The following ING2 variants were observed in gnomAD, a reference collection of about 807,000 sequenced individuals.
ING2 encodes inhibitor of growth protein 2.
In ING2, 7 loss-of-function variants were observed where a neutral mutation model predicts 30.6. The observed-to-expected ratio is 0.23, with a 90% CI of 0.13 to 0.43. The LOEUF (loss-of-function observed/expected upper bound fraction) is 0.43, where lower values mean the gene tolerates loss of function less well. ING2 is among the 20% of genes least tolerant of loss of function. The pLI is 1.00. For synonymous variants in ING2, 136 were observed against 121.7 expected, an observed-to-expected ratio of 1.12 and a Z score of -0.78; for missense variants, 239 against 334.9, an observed-to-expected ratio of 0.71 and a Z score of 2.24.
chr4:183,508,764 CTT>C (rs1196229174), intron 1 of ING2, among the ~76,000 whole-genome samples: 3 of 152,234 alleles, frequency 2.0e-5, no homozygotes, highest in East Asian at 3.9e-4. Context: ...GGACAGAACT[CTT>C]TGAGATAGCA....
At chr4:183,509,647 C>T (rs1370627193) in intron 1 of ING2, among the ~76,000 whole-genome samples, 1 of 151,674 alleles carries the variant, frequency 6.6e-6, no homozygotes, top group Non-Finnish European at 1.5e-5. Context: ...CGGGGTTTCA[C>T]CGTGGTCTCG....
intron 1 of ING2, among the ~76,000 whole-genome samples, chr4:183,509,657 G>C (rs1266536569): frequency 6.6e-6 from 1 of 150,548 alleles, no homozygotes; most frequent in Admixed American, 6.6e-5. Flanking sequence ...CCGTGGTCTC[G>C]ATCTCCTGAC....
At chr4:183,508,865 G>C (rs1734746909) in intron 1 of ING2, among the ~76,000 whole-genome samples, 1 of 152,154 alleles carries the variant, frequency 6.6e-6, no homozygotes, top group African/African-American at 2.4e-5. Context: ...TATATTTTCA[G>C]ATTTTTGGAT....
At position 183,511,026 on chromosome 4, in the gene ING2, T is replaced by C; in HGVS notation, c.*74T>C. On this transcript the variant is annotated 3_prime_UTR_variant, in exon 2 of 2. Coordinates refer to ENST00000302327, the MANE Select transcript of ING2 (RefSeq NM_001564.4). ...TTTGCTTTCAGAAAATGTTTTAGGGTAAATGCATAAGACTATGCAATAATT... is the reference window on the plus strand; with the variant it reads ...TTTGCTTTCAGAAAATGTTTTAGGGCAAATGCATAAGACTATGCAATAATT... 2 of 1,149,016 alleles carry C rather than the reference T, an allele frequency of 1.7e-6. No individual in the cohort carries two copies. The highest frequency in any genetic ancestry group is 1.2e-6 in the Non-Finnish European group (1 of 820,876). 71.2% of individuals were successfully genotyped at this position (1,149,016 alleles called of 1,614,324 possible). A position where few individuals can be genotyped will look rare whatever the true frequency, so the allele number is the denominator to read the frequency against.
intron 1 of ING2, among the ~76,000 whole-genome samples, chr4:183,505,801 G>A (rs1232638374): frequency 1.3e-5 from 2 of 152,040 alleles, no homozygotes; most frequent in Middle Eastern, 3.2e-3. Context: ...CCACCCCGGA[G>A]TGCGGGTGCT....
At chr4:183,508,373 T>A (rs1218457907) in intron 1 of ING2, among the ~76,000 whole-genome samples, 1 of 152,162 alleles carries the variant, frequency 6.6e-6, no homozygotes, top group Admixed American at 6.5e-5. Context: ...AATCCTCAAT[T>A]TTTTATGTGT....
In ING2 at chr4:183,511,410, C is replaced by A. The variant is rs1734818683; in HGVS notation, c.*458C>A. Among the ~76,000 whole-genome samples, 1 of 152,156 alleles carries A rather than the reference C, an allele frequency of 6.6e-6. No individual in the cohort carries two copies. The highest frequency in any genetic ancestry group is 1.5e-5 in the Non-Finnish European group (1 of 68,022). On this transcript the variant is annotated 3_prime_UTR_variant, in exon 2 of 2. Coordinates refer to ENST00000302327, the MANE Select transcript of ING2 (RefSeq NM_001564.4). The stretch of plus-strand genomic sequence containing the variant: ...CATTTGAGCTGCTTTTTCCCTAGTC[C>A]TATTTATACGTTGGCTTGTTCATCT...
rs778379287 is a variant in ING2, at chr4:183,505,313, C to T, written c.118C>T (p.His40Tyr). The T allele has an allele frequency of 1.3e-6, 2 of 1,556,240 alleles. No individual in the cohort carries two copies. The highest frequency in any genetic ancestry group is 1.7e-6 in the Non-Finnish European group (2 of 1,151,484). ...DYLECVESLP[H>Y]DMQRNVSVLR... ...CCTTGAGTGCGTGGAGTCGCTGCCC[C>T]ACGACATGCAGAGGAACGTGTCTGT... The change falls in exon 1 of 2, where the codon CAC becomes TAC. Residue 40 changes from histidine to tyrosine, a missense_variant. By Grantham distance (83) the His-to-Tyr change is moderately conservative. Coordinates refer to ENST00000302327, the MANE Select transcript of ING2 (RefSeq NM_001564.4).
In ING2 at chr4:183,511,039, C is replaced by T. The variant is rs1043513111; in HGVS notation, c.*87C>T. 21 of 1,007,826 alleles carry T rather than the reference C, an allele frequency of 2.1e-5. No homozygotes were observed. In the African/African-American group the frequency reaches 2.5e-4, roughly 12 times the overall value. 62.4% of individuals were successfully genotyped at this position (1,007,826 alleles called of 1,614,324 possible). A position where few individuals can be genotyped will look rare whatever the true frequency, so the allele number is the denominator to read the frequency against. ...AATGTTTTAGGGTAAATGCATAAGA[C>T]TATGCAATAATTTTTAATCATTAGT... On this transcript the variant is annotated 3_prime_UTR_variant, in exon 2 of 2. Transcript: ENST00000302327.
Position 183,505,093 on chromosome 4 carries a change from C to T in ING2, c.-103C>T, listed in dbSNP as rs1734600297. On this transcript the variant is annotated 5_prime_UTR_variant, in exon 1 of 2. Transcript: ENST00000302327. ...GTGCCCTCTCGAGCGGCTGCGGGGT[C>T]CCCGCGGCGCCGGGCTGCTGAGCTG... 1.1e-5 allele frequency: 13 copies of T among 1,167,766 alleles called. No homozygotes were observed. Among genetic ancestry groups the T allele is most frequent in the Non-Finnish European group, 1.3e-5 (12 of 910,292 alleles). The allele number at this position is 1,167,766 out of a possible 1,614,324, so 72.3% of individuals were successfully genotyped here.
intron 1 of ING2, among the ~76,000 whole-genome samples, chr4:183,507,163 C>A (rs1579168062): frequency 6.6e-6 from 1 of 152,264 alleles, no homozygotes; most frequent in South Asian, 2.1e-4. Flanking sequence ...TGCAGTGGCT[C>A]GATCTTAGCT....
intron 1 of ING2, among the ~76,000 whole-genome samples, chr4:183,510,027 C>T (rs892216714): frequency 2.0e-5 from 3 of 152,324 alleles, no homozygotes; most frequent in East Asian, 1.9e-4. Context: ...TGAGCCACCG[C>T]GCCCAGCCTC....
chr4:183,512,215 A>G lies in ING2; in HGVS notation c.*1263A>G, dbSNP rs889640994. On this transcript the variant is annotated 3_prime_UTR_variant, in exon 2 of 2. Coordinates refer to ENST00000302327, the MANE Select transcript of ING2 (RefSeq NM_001564.4). ...ATGATCTTGATTCTTTTTGATTAAC[A>G]TGAAAAATCCTGTCTGCTTGTTTTG... is the stretch of plus-strand genomic sequence containing the variant. 3.3e-5 allele frequency among the ~76,000 whole-genome samples: 5 copies of G among 151,964 alleles called. No homozygotes were observed. Among genetic ancestry groups the G allele is most frequent in the Middle Eastern group, 3.2e-3 (1 of 316 alleles).
chr4:183,509,396 T>C (rs1485406680), intron 1 of ING2, among the ~76,000 whole-genome samples: 1 of 152,152 alleles, frequency 6.6e-6, no homozygotes, highest in African/African-American at 2.4e-5. Flanking sequence ...CATTCAGTGT[T>C]CCTGCCCATG....
chr4:183,507,080 C>T (rs1253315450), intron 1 of ING2, among the ~76,000 whole-genome samples: 1 of 152,164 alleles, frequency 6.6e-6, no homozygotes, highest in Non-Finnish European at 1.5e-5. Context: ...TTTCAGATAA[C>T]ACCAAAGTTT....
chr4:183,510,449 C>G lies in ING2; in HGVS notation c.340C>G (p.Arg114Gly). The G allele has an allele frequency of 6.2e-7, 1 of 1,614,134 alleles. No homozygotes were observed. The highest frequency in any genetic ancestry group is 8.5e-7 in the Non-Finnish European group (1 of 1,180,024). ...ACAAATGCTCGAATTGGTGGAAAAT[C>G]GGGCAAGACAAATGGAGTTACACTC... ...VTQMLELVENRARQMELHSQC... is the reference protein window; with the variant it reads ...VTQMLELVENGARQMELHSQC... Residue 114 changes from arginine (R) to glycine (G), a missense_variant, in exon 2 of 2, where the codon CGG becomes GGG. Physicochemically the swap from Arg to Gly is moderately radical, Grantham distance 125. Around this residue, in one of 5 missense-constraint regions of ING2, gnomAD observed 115 missense variants for 120.1 expected, o/e 0.96. Transcript: ENST00000302327.
At chr4:183,507,056 GA>G (rs1259703252) in intron 1 of ING2, among the ~76,000 whole-genome samples, 2 of 152,144 alleles carry the variant, frequency 1.3e-5, no homozygotes, top group Non-Finnish European at 2.9e-5. Context: ...ATTGTATATG[GA>G]ACCTTTCTAG....
chr4:183,506,336 T>C (rs977077278), intron 1 of ING2: 8 of 1,298,308 alleles, frequency 6.2e-6, no homozygotes, highest in African/African-American at 3.0e-5. Flanking sequence ...CCGGGACATG[T>C]GTCACTTCCG....
At position 183,510,272 on chromosome 4, in the gene ING2, CT is replaced by C. The variant is rs1347490622; in HGVS notation, c.173-3del. On this transcript the variant is annotated splice_polypyrimidine_tract_variant and intron_variant, in intron 1 of 1. Coordinates refer to ENST00000302327, the MANE Select transcript of ING2 (RefSeq NM_001564.4). ...TGATAACGTTCTCATTTTTCTTTTCCTTTTTTTAGAAACGTTAAAGGAAATT... is the reference window on the plus strand; with the variant it reads ...TGATAACGTTCTCATTTTTCTTTTCCTTTTTTAGAAACGTTAAAGGAAATT... The C allele has an allele frequency of 1.9e-6, 3 of 1,539,662 alleles. No homozygotes were observed. The highest frequency in any genetic ancestry group is 1.4e-5 in the African/African-American group (1 of 71,690).
Sources: gnomAD v4.1 joint callset for allele counts (sites outside exome capture counted in the v4.1 genomes callset) on GRCh38, gnomAD v4.1.1 for gene constraint, gnomAD v4.1.1 regional missense constraint, MANE v1.5 for transcripts, NCBI Gene and HGNC (gene_info 2026-07-23, HGNC 2026-07-21) for gene names.